The following NDST4 variants were observed in gnomAD, a reference collection of about 807,000 sequenced individuals.
NDST4 encodes the protein N-heparan sulfate sulfotransferase 4.
NDST4 carries 63 observed loss-of-function variants against 100.8 expected under a neutral mutation model. The observed-to-expected ratio is 0.62, with a 90% CI of 0.51 to 0.77. The LOEUF (loss-of-function observed/expected upper bound fraction) is 0.77. Ranked by LOEUF, NDST4 falls within the 30% of genes least tolerant of loss-of-function variation. The pLI is 0.00. For missense variants in NDST4, 943 were observed against 1,018.4 expected (o/e 0.93, Z 1.01); for synonymous variants, 377 against 361.8 (o/e 1.04, Z -0.48).
chr4:115,021,600 C>A (rs747215343), intron 2 of NDST4, among the ~76,000 whole-genome samples: 1,406 of 84,026 alleles, frequency 0.017, 41 homozygotes, highest in Non-Finnish European at 0.026. Context: ...TACACACGTT[C>A]CACATATACA....
chr4:115,049,001 T>G (rs762491154), intron 2 of NDST4, among the ~76,000 whole-genome samples: 17 of 152,218 alleles, frequency 1.1e-4, no homozygotes, highest in South Asian at 6.2e-4. Context: ...AAAAACAACA[T>G]AAATATTGTG....
At chr4:114,953,744 G>A (rs1323931908) in intron 4 of NDST4, among the ~76,000 whole-genome samples, 2 of 152,056 alleles carry the variant, frequency 1.3e-5, no homozygotes, top group African/African-American at 2.4e-5. Context: ...AGTGAGAAAT[G>A]GCTAACTCAT....
At chr4:114,975,100 G>A (rs1726602085) in intron 3 of NDST4, among the ~76,000 whole-genome samples, 1 of 152,042 alleles carries the variant, frequency 6.6e-6, no homozygotes, top group African/African-American at 2.4e-5. Flanking sequence ...ACAAGATAGG[G>A]GTAAGGCACG....
At chr4:115,089,665 T>G (rs1729474581) in intron 1 of NDST4, among the ~76,000 whole-genome samples, 1 of 151,968 alleles carries the variant, frequency 6.6e-6, no homozygotes, top group African/African-American at 2.4e-5. Context: ...TTTATTTTCC[T>G]TCAAGCATAA....
chr4:115,066,957 G>A (rs1483043509), intron 2 of NDST4, among the ~76,000 whole-genome samples: 1 of 152,160 alleles, frequency 6.6e-6, no homozygotes, highest in Non-Finnish European at 1.5e-5. Context: ...TCCTCCAGGA[G>A]TAAGCCACTG....
chr4:114,847,978 C>T (rs982717863), intron 9 of NDST4, among the ~76,000 whole-genome samples: 1 of 151,960 alleles, frequency 6.6e-6, no homozygotes, highest in East Asian at 1.9e-4. Flanking sequence ...GAAATATATC[C>T]CATAATGTTT....
chr4:115,027,155 G>A (rs948256472), intron 2 of NDST4, among the ~76,000 whole-genome samples: 11 of 152,228 alleles, frequency 7.2e-5, no homozygotes, highest in South Asian at 4.1e-4. Context: ...TGCTTTGTAC[G>A]TAAGTTATTG....
At chr4:114,990,306 A>C (rs1727009539) in intron 2 of NDST4, among the ~76,000 whole-genome samples, 1 of 152,130 alleles carries the variant, frequency 6.6e-6, no homozygotes, top group African/African-American at 2.4e-5. Context: ...AATTATTAAA[A>C]TAAAACTCCT....
In NDST4 at chr4:114,845,752, C is replaced by T. The variant is rs1723534137; in HGVS notation, c.2115+71G>A. On this transcript the variant is annotated intron_variant, in intron 10 of 13. Coordinates refer to ENST00000264363, the MANE Select transcript of NDST4 (RefSeq NM_022569.3). ...ACTTTTCATATGTTTAGGTTCTATT[C>T]TGGTTATTTTTCATTGCCTCCATTT... is the stretch of plus-strand genomic sequence containing the variant. 1.6e-5 allele frequency: 22 copies of T among 1,385,128 alleles called. No individual in the cohort carries two copies. The South Asian group carries it at 3.0e-4, about 19-fold the overall frequency. The allele number at this position is 1,385,128 out of a possible 1,614,324, so 85.8% of individuals were successfully genotyped here. A position where few individuals can be genotyped will look rare whatever the true frequency, so the allele number is the denominator to read the frequency against.
At chr4:114,941,096 C>T (rs919698519) in intron 4 of NDST4, among the ~76,000 whole-genome samples, 5 of 152,198 alleles carry the variant, frequency 3.3e-5, no homozygotes, top group African/African-American at 1.2e-4. Flanking sequence ...CTAGTATTTT[C>T]CTGCCTCATG....
rs180743597 is a variant in NDST4, at chr4:115,069,357, T to C, written c.978+6702A>G. On this transcript the variant is annotated intron_variant, in intron 2 of 13. Transcript: ENST00000264363. ...AATAAGAAATTTGGTTTTATCAGAG[T>C]AAACAGACAACCTACAGAATGGGAA... is the stretch of plus-strand genomic sequence containing the variant. Among the ~76,000 whole-genome samples the C allele has an allele frequency of 8.2e-4, 125 of 152,086 alleles. 1 individual carries two copies. Among genetic ancestry groups the C allele is most frequent in the Non-Finnish European group, 1.5e-3 (103 of 67,992 alleles).
chr4:115,024,163 A>G (rs1489332338), intron 2 of NDST4, among the ~76,000 whole-genome samples: 8 of 152,246 alleles, frequency 5.3e-5, no homozygotes, highest in Admixed American at 4.6e-4. Flanking sequence ...CCACTAGGAA[A>G]ATGCCCAGCA....
intron 4 of NDST4, among the ~76,000 whole-genome samples, chr4:114,968,561 A>G (rs549278417): frequency 5.3e-5 from 8 of 152,206 alleles, no homozygotes; most frequent in Non-Finnish European, 1.0e-4. Flanking sequence ...TCTCTTTCAC[A>G]ACCATTCAAC....
chr4:115,089,054 A>G (rs1008862080), intron 1 of NDST4, among the ~76,000 whole-genome samples: 1 of 152,050 alleles, frequency 6.6e-6, no homozygotes, highest in Non-Finnish European at 1.5e-5. Context: ...TATTTAATGC[A>G]CAAAACAATT....
intron 6 of NDST4, among the ~76,000 whole-genome samples, chr4:114,930,989 A>G (rs1322405464): frequency 6.6e-6 from 1 of 152,070 alleles, no homozygotes; most frequent in Non-Finnish European, 1.5e-5. Context: ...GCACACAAAG[A>G]TAATACAAAA....
chr4:115,096,304 TGATCAGTAGACCCAAATG>T (rs1254340428), intron 1 of NDST4, among the ~76,000 whole-genome samples: 2 of 151,946 alleles, frequency 1.3e-5, no homozygotes, highest in Admixed American at 6.6e-5. Flanking sequence ...CTTAAATTCA[TGATCAGTAGACCCAAATG>T]AGCTTTTAAT....
rs570066872 is a variant in NDST4 at position 114,841,477 on chromosome 4, A to T, written c.2116-1929T>A. ...TATCAGAAAAAATAATTCCTTTCAA[A>T]CCTGTATGTATGTTCAAAGAATTTA... is the stretch of plus-strand genomic sequence containing the variant. On this transcript the variant is annotated intron_variant, in intron 10 of 13. Coordinates refer to ENST00000264363, the MANE Select transcript of NDST4 (RefSeq NM_022569.3). 5.9e-5 allele frequency among the ~76,000 whole-genome samples: 9 copies of T among 152,294 alleles called. No individual in the cohort carries two copies. In the East Asian group the frequency reaches 1.7e-3, roughly 29 times the overall value.
At chr4:114,907,061 A>G (rs975439726) in intron 6 of NDST4, among the ~76,000 whole-genome samples, 2 of 152,140 alleles carry the variant, frequency 1.3e-5, no homozygotes, top group East Asian at 3.8e-4. Context: ...ATGAAAACTA[A>G]TATTTCCCAG....
At chr4:114,909,522 C>T (rs990603582) in intron 6 of NDST4, among the ~76,000 whole-genome samples, 20 of 150,368 alleles carry the variant, frequency 1.3e-4, no homozygotes, top group Non-Finnish European at 2.4e-4. Flanking sequence ...TAGCCGGGCG[C>T]GGTGGCGGGC....
Sources: allele counts gnomAD v4.1 joint callset (sites outside exome capture counted in the v4.1 genomes callset), GRCh38; gene constraint gnomAD v4.1.1; transcripts MANE v1.5; gene names NCBI Gene and HGNC (gene_info 2026-07-23, HGNC 2026-07-21).